OPN5: variants seen among roughly 807,000 people sequenced by gnomAD.
OPN5 encodes the protein opsin 5, also known as opsin-5.
OPN5 carries 18 observed loss-of-function variants against 41.7 expected under a neutral mutation model. The observed-to-expected ratio is 0.43, with a 90% confidence interval of 0.30 to 0.64. OPN5 has a LOEUF of 0.64. Among genes scored for constraint, OPN5 ranks in the 30% least tolerant of loss-of-function variants. The pLI, the probability that OPN5 is intolerant of heterozygous loss-of-function variation, is 0.13. For missense variants in OPN5, 318 were observed against 434.5 expected (o/e 0.73, Z 2.38); for synonymous variants, 178 against 164.3 (o/e 1.08, Z -0.64).
chr6:47,795,645 C>A, intron 4 of OPN5, 82 bp downstream of exon 4: 1 of 913,238 alleles, frequency 1.1e-6, no homozygotes, highest in Non-Finnish European at 1.7e-6. Flanking sequence ...ACGTTGGAGA[C>A]TGAGAGAACT....
chr6:47,820,700 G>A (rs1190840963), intron 6 of OPN5, among the ~76,000 whole-genome samples: 1 of 152,144 alleles, frequency 6.6e-6, no homozygotes, highest in Non-Finnish European at 1.5e-5. Context: ...TATATAGGAA[G>A]CTAGGCAAAA....
intron 6 of OPN5, among the ~76,000 whole-genome samples, chr6:47,819,361 TATTACCGTATAAGTAGAA>T (rs1345831538): frequency 5.1e-4 from 17 of 33,326 alleles, no homozygotes; most frequent in East Asian, 3.0e-3. Context: ...ATAAAAAATA[TATTACCGTATAAGTAGAA>T]ATATATATAT....
intron 3 of OPN5, 71 bp from the exon 4 acceptor site, chr6:47,795,158 T>G: frequency 8.9e-7 from 1 of 1,129,232 alleles, no homozygotes; most frequent in Non-Finnish European, 1.2e-6. Context: ...AGGTGGAATT[T>G]GACATATCGA....
At chr6:47,797,276 A>G (rs192102651) in intron 4 of OPN5, among the ~76,000 whole-genome samples, 75 of 152,322 alleles carry the variant, frequency 4.9e-4, no homozygotes, top group East Asian at 1.5e-3. Flanking sequence ...ATCACTCTAA[A>G]TCTATACTGA....
intron 2 of OPN5, among the ~76,000 whole-genome samples, chr6:47,790,822 T>C (rs1016677079): frequency 6.6e-6 from 1 of 152,194 alleles, no homozygotes; most frequent in African/African-American, 2.4e-5. Flanking sequence ...TTCTCTGATA[T>C]ATAACCTCTC....
chr6:47,795,090 C>CAGTTATCTG, intron 3 of OPN5, 139 bp from the exon 4 acceptor site: 1 of 671,790 alleles, frequency 1.5e-6, no homozygotes, highest in East Asian at 2.7e-5. Flanking sequence ...ACTCCACTCT[C>CAGTTATCTG]CCTCAGGCTT....
intron 4 of OPN5, among the ~76,000 whole-genome samples, chr6:47,800,639 C>T (rs1446854123): frequency 6.6e-6 from 1 of 152,126 alleles, no homozygotes; most frequent in African/African-American, 2.4e-5. Context: ...TTGACAGCTT[C>T]CCATTAGCTT....
At chr6:47,815,066 G>A (rs1213464994) in intron 6 of OPN5, among the ~76,000 whole-genome samples, 4 of 152,076 alleles carry the variant, frequency 2.6e-5, no homozygotes, top group Non-Finnish European at 4.4e-5. Flanking sequence ...TGGAAATTGA[G>A]AGTAGAAATG....
chr6:47,804,350 C>A (rs1474244695), intron 4 of OPN5, among the ~76,000 whole-genome samples: 2 of 151,912 alleles, frequency 1.3e-5, no homozygotes, highest in Non-Finnish European at 2.9e-5. Flanking sequence ...TTGATGGGTA[C>A]AGGAGCCTGT....
chr6:47,817,673 T>C (rs1422602138), intron 6 of OPN5, among the ~76,000 whole-genome samples: 1 of 152,178 alleles, frequency 6.6e-6, no homozygotes, highest in East Asian at 1.9e-4. Flanking sequence ...ATTAAGTCAA[T>C]GATTCTGTTA....
chr6:47,796,524 C>A (rs566500384), intron 4 of OPN5, among the ~76,000 whole-genome samples: 4 of 152,028 alleles, frequency 2.6e-5, no homozygotes, highest in Non-Finnish European at 5.9e-5. Flanking sequence ...TTAGCACCCC[C>A]TAATTTAACC....
At chr6:47,805,262 A>T (rs1234993428) in intron 4 of OPN5, among the ~76,000 whole-genome samples, 1 of 152,216 alleles carries the variant, frequency 6.6e-6, no homozygotes, top group Non-Finnish European at 1.5e-5. Flanking sequence ...CTGCGTGTGC[A>T]CATTGGGACT....
At chr6:47,811,782 C>G (rs1242843461) in intron 6 of OPN5, 51 bp downstream of exon 6, 1 of 1,147,502 alleles carries the variant, frequency 8.7e-7, no homozygotes, top group Non-Finnish European at 1.3e-6. Context: ...CACTTATTTG[C>G]CTCTTCACTG....
intron 1 of OPN5, among the ~76,000 whole-genome samples, chr6:47,783,951 C>T (rs917913019): frequency 1.3e-5 from 2 of 152,184 alleles, no homozygotes; most frequent in African/African-American, 4.8e-5. Flanking sequence ...AGTCCATTCC[C>T]AATCTTAAGC....
At chr6:47,792,232 A>G (rs761471400) in intron 3 of OPN5, among the ~76,000 whole-genome samples, 3 of 152,232 alleles carry the variant, frequency 2.0e-5, no homozygotes, top group Non-Finnish European at 4.4e-5. Context: ...ATTTTCTTGT[A>G]TAGTGTGTAA....
intron 3 of OPN5, 40 bp downstream of exon 3, chr6:47,792,012 AG>A (rs1253498769): frequency 6.9e-7 from 1 of 1,450,618 alleles, no homozygotes; most frequent in South Asian, 1.2e-5. Flanking sequence ...AGTTAAAGCT[AG>A]GTGGATTGAG....
At chr6:47,796,877 G>A (rs1263897330) in intron 4 of OPN5, among the ~76,000 whole-genome samples, 1 of 152,224 alleles carries the variant, frequency 6.6e-6, no homozygotes, top group Non-Finnish European at 1.5e-5. Flanking sequence ...ATAAAGGAAA[G>A]AGATTTAATT....
At chr6:47,785,932 G>A (rs945644884) in intron 1 of OPN5, among the ~76,000 whole-genome samples, 65 of 152,140 alleles carry the variant, frequency 4.3e-4, no homozygotes, top group Non-Finnish European at 6.2e-4. Flanking sequence ...TGTCCTATCT[G>A]CCAGACACTC....
At chr6:47,799,120 T>C (rs1773673701) in intron 4 of OPN5, among the ~76,000 whole-genome samples, 2 of 151,912 alleles carry the variant, frequency 1.3e-5, no homozygotes, top group South Asian at 2.1e-4. Context: ...TTTTTCTAAT[T>C]AATTTTTAAA....
Sources: allele counts gnomAD v4.1 joint callset (sites outside exome capture counted in the v4.1 genomes callset), GRCh38; gene constraint gnomAD v4.1.1; transcripts MANE v1.5; gene names NCBI Gene and HGNC (gene_info 2026-07-23, HGNC 2026-07-21).